ARHGAP32: variants seen among roughly 807,000 people sequenced by gnomAD.
ARHGAP32 encodes rho GTPase-activating protein 32.
A neutral mutation model predicts 186.5 loss-of-function variants in ARHGAP32; 51 were observed. That is an observed-to-expected ratio of 0.27 (90% CI 0.22 to 0.35). ARHGAP32 has a LOEUF of 0.35. Among genes scored for constraint, ARHGAP32 ranks in the 10% least tolerant of loss-of-function variants. The pLI, the probability that ARHGAP32 is intolerant of heterozygous loss-of-function variation, is 1.00. For missense variants in ARHGAP32, 2,186 were observed against 2,623.5 expected (o/e 0.83, Z 3.64); for synonymous variants, 950 against 964.3 (o/e 0.99, Z 0.27).
At position 129,240,479 on chromosome 11, in the gene ARHGAP32, C is replaced by T. The variant is rs561822574; in HGVS notation, c.-5+38667G>A. Reference sequence around the variant, plus strand: ...CTCAAGTAATTTCCTTTTCTACAAGCTTTCCCTAGGTCTTCAATAAATTCA... The same window carrying T: ...CTCAAGTAATTTCCTTTTCTACAAGTTTTCCCTAGGTCTTCAATAAATTCA... On this transcript the variant is annotated intron_variant, in intron 1 of 6. Transcript: ENST00000525234. Among the ~76,000 whole-genome samples, 422 of 152,258 alleles carry T rather than the reference C, an allele frequency of 2.8e-3. 1 individual carries two copies. The highest frequency in any genetic ancestry group is 3.1e-3 in the Non-Finnish European group (210 of 68,012).
At chr11:129,248,409 G>T (rs375126801) in intron 1 of ARHGAP32, among the ~76,000 whole-genome samples, 15 of 151,980 alleles carry the variant, frequency 9.9e-5, no homozygotes, top group Non-Finnish European at 1.6e-4. Context: ...CCGTTATTTC[G>T]ATTTAAAATT....
rs1169574099 is a variant in ARHGAP32, at chr11:128,972,688, G to A, written c.3818C>T (p.Ala1273Val). The change falls in exon 22 of 23, where the codon GCC becomes GTC. Residue 1273 changes from alanine (A) to valine (V), a missense_variant. By Grantham distance (64) the Ala-to-Val change is moderately conservative. Transcript: ENST00000682385. ...AGTAGTTGTCATGTAAGTCATGGTG[G>A]CTGTGCTGGTATTCTCTTCGGGGGA... is the stretch of plus-strand genomic sequence containing the variant. ...SGSPEENTST[A>V]TMTYMTTTPA... 3 of 1,614,014 alleles carry A rather than the reference G, an allele frequency of 1.9e-6. No homozygotes were observed. Among genetic ancestry groups the A allele is most frequent in the Non-Finnish European group, 2.5e-6 (3 of 1,180,044 alleles).
At position 129,178,229 on chromosome 11, in the gene ARHGAP32, T is replaced by C. The variant is rs545744183; in HGVS notation, c.117-13802A>G. ...AGAATAAAATACCTAGGAATCCAAC[T>C]TACAAGGGATGTGAAGGACCTCTTC... On this transcript the variant is annotated intron_variant, in intron 1 of 22. Transcript: ENST00000682385. Among the ~76,000 whole-genome samples the C allele has an allele frequency of 1.9e-3, 287 of 152,122 alleles. 1 individual carries two copies. The highest frequency in any genetic ancestry group is 0.011 in the Admixed American group (173 of 15,286).
chr11:129,267,545 A>C (rs1271560186), intron 1 of ARHGAP32, among the ~76,000 whole-genome samples: 1 of 152,186 alleles, frequency 6.6e-6, no homozygotes, highest in Non-Finnish European at 1.5e-5. Flanking sequence ...AACAAAACAA[A>C]AAAAACAAAC....
intron 1 of ARHGAP32, among the ~76,000 whole-genome samples, chr11:129,171,106 C>G (rs1332778372): frequency 2.0e-5 from 3 of 152,138 alleles, no homozygotes; most frequent in Non-Finnish European, 4.4e-5. Context: ...AAATTTTCTC[C>G]CATTCTACAG....
intron 7 of ARHGAP32, 46 bp downstream of exon 7, chr11:129,066,685 C>T (rs775756560): frequency 2.4e-5 from 37 of 1,547,064 alleles, no homozygotes; most frequent in Non-Finnish European, 3.0e-5. Flanking sequence ...CTTCTGCAAA[C>T]TCATATATAG....
intron 1 of ARHGAP32, among the ~76,000 whole-genome samples, chr11:129,168,077 T>G (rs1403105126): frequency 2.0e-5 from 3 of 151,998 alleles, no homozygotes; most frequent in Admixed American, 2.0e-4. Context: ...GGACCCCATC[T>G]GTAAAAAAAA....
At chr11:129,224,192 T>C (rs1944749857) in intron 1 of ARHGAP32, among the ~76,000 whole-genome samples, 6 of 152,206 alleles carry the variant, frequency 3.9e-5, no homozygotes, top group Admixed American at 3.3e-4. Flanking sequence ...TCTGTCATGG[T>C]TGCAGAATTC....
At chr11:129,266,896 C>G (rs1358203347) in intron 1 of ARHGAP32, among the ~76,000 whole-genome samples, 2 of 152,138 alleles carry the variant, frequency 1.3e-5, no homozygotes, top group East Asian at 3.9e-4. Context: ...GGCCTCTCCC[C>G]TGAGTCAGTT....
At chr11:129,091,490 C>T (rs1375001756) in intron 6 of ARHGAP32, among the ~76,000 whole-genome samples, 2 of 151,872 alleles carry the variant, frequency 1.3e-5, no homozygotes, top group Non-Finnish European at 2.9e-5. Flanking sequence ...AGATCACAGC[C>T]AATCAATCTG....
At chr11:129,027,939 C>T (rs1478546017) in intron 11 of ARHGAP32, among the ~76,000 whole-genome samples, 1 of 152,116 alleles carries the variant, frequency 6.6e-6, no homozygotes, top group East Asian at 1.9e-4. Context: ...GAATGAATAT[C>T]GGAAATGGCC....
intron 1 of ARHGAP32, among the ~76,000 whole-genome samples, chr11:129,226,019 A>T (rs1193138574): frequency 6.6e-6 from 1 of 152,178 alleles, no homozygotes; most frequent in East Asian, 1.9e-4. Context: ...TGGAAGAAAA[A>T]TTCTTCAAAT....
At chr11:129,189,629 G>A (rs951227151) in intron 1 of ARHGAP32, among the ~76,000 whole-genome samples, 1 of 151,944 alleles carries the variant, frequency 6.6e-6, no homozygotes, top group Non-Finnish European at 1.5e-5. Flanking sequence ...TAATAATACC[G>A]ACTACAAATA....
chr11:129,159,530 T>A (rs1176377657), intron 2 of ARHGAP32, among the ~76,000 whole-genome samples: 1 of 151,764 alleles, frequency 6.6e-6, no homozygotes, highest in Non-Finnish European at 1.5e-5. Flanking sequence ...AGAAGTCGAA[T>A]CCCTGAACAG....
At chr11:129,029,366 C>T (rs1938996359) in intron 11 of ARHGAP32, among the ~76,000 whole-genome samples, 1 of 152,198 alleles carries the variant, frequency 6.6e-6, no homozygotes, top group African/African-American at 2.4e-5. Flanking sequence ...TAACCCATGT[C>T]AGGTGCATGG....
chr11:129,021,349 A>C, intron 11 of ARHGAP32, among the ~76,000 whole-genome samples: 1 of 152,072 alleles, frequency 6.6e-6, no homozygotes, highest in East Asian at 1.9e-4. Context: ...AGCACAACTC[A>C]TGTTGAATGG....
chr11:129,071,620 T>C (rs144691574), intron 6 of ARHGAP32, among the ~76,000 whole-genome samples: 348 of 152,236 alleles, frequency 2.3e-3, no homozygotes, highest in African/African-American at 8.2e-3. Flanking sequence ...ATTGGAAATA[T>C]AAATTGGTAC....
rs536761532 is a variant in ARHGAP32, at chr11:128,976,415, T to A, written c.2194+148A>T. ...ATGTGAAAGCATCAATGAATTTTAA[T>A]CTGAATAATACTAAATAGACACTAG... On this transcript the variant is annotated intron_variant, in intron 20 of 22. Coordinates refer to ENST00000682385, the MANE Select transcript of ARHGAP32 (RefSeq NM_001378024.1). 4 of 580,764 alleles carry A rather than the reference T, an allele frequency of 6.9e-6. No homozygotes were observed. The South Asian group carries it at 1.5e-4, about 21-fold the overall frequency. 36.0% of individuals were successfully genotyped at this position (580,764 alleles called of 1,614,324 possible). A position where few individuals can be genotyped will look rare whatever the true frequency, so the allele number is the denominator to read the frequency against.
intron 11 of ARHGAP32, among the ~76,000 whole-genome samples, chr11:129,001,215 A>G (rs751387492): frequency 9.9e-5 from 15 of 152,184 alleles, no homozygotes; most frequent in Non-Finnish European, 2.2e-4. Flanking sequence ...ACTATTCTCT[A>G]TAGTGGCTGT....
Sources: allele counts gnomAD v4.1 joint callset (sites outside exome capture counted in the v4.1 genomes callset), GRCh38; gene constraint gnomAD v4.1.1; transcripts MANE v1.5; gene names NCBI Gene and HGNC (gene_info 2026-07-23, HGNC 2026-07-21).